Variants in CACNA1D observed in about 807,000 individuals in gnomAD.
The protein encoded by CACNA1D is calcium voltage-gated channel subunit alpha1 D, also known as voltage-dependent L-type calcium channel subunit alpha-1D.
CACNA1D carries 55 observed loss-of-function variants against 257.1 expected under a neutral mutation model. That is an observed-to-expected ratio of 0.21 (90% CI 0.17 to 0.27). The LOEUF is 0.27. Ranked by LOEUF, CACNA1D falls within the 10% of genes least tolerant of loss-of-function variation. CACNA1D has a pLI of 1.00. For missense variants in CACNA1D, 1,876 were observed against 2,784.0 expected, an observed-to-expected ratio of 0.67 and a Z score of 7.34; for synonymous variants, 980 against 1,014.9, an observed-to-expected ratio of 0.97 and a Z score of 0.65.
chr3:53,647,658 A>C (rs910338864), intron 3 of CACNA1D, among the ~76,000 whole-genome samples: 1 of 152,238 alleles, frequency 6.6e-6, no homozygotes, highest in East Asian at 1.9e-4. Context: ...TGTAAGGCGA[A>C]TAATTATCCC....
intron 26 of CACNA1D, 58 bp from the exon 27 acceptor site, chr3:53,749,210 G>T (rs1257309408): frequency 1.6e-6 from 2 of 1,248,760 alleles, no homozygotes; most frequent in African/African-American, 2.9e-5. Flanking sequence ...AAGGCAGCGG[G>T]CTGGGCCGTG....
rs907023704 is a variant in CACNA1D, at chr3:53,690,595, CG to C, written c.1221-12040del. Among the ~76,000 whole-genome samples the C allele has an allele frequency of 9.8e-5, 15 of 152,290 alleles. No individual in the cohort carries two copies. In the East Asian group the frequency reaches 2.7e-3, roughly 27 times the overall value. On this transcript the variant is annotated intron_variant, in intron 8 of 47. Transcript: ENST00000350061. ...TGCCTTTCAGTGGGCACTCCCCCTGCGGGGGGATCTTCTCTATCCCTCTCCT... is the reference window on the plus strand; with the variant it reads ...TGCCTTTCAGTGGGCACTCCCCCTGCGGGGGATCTTCTCTATCCCTCTCCT...
At chr3:53,608,420 G>C (rs1221443566) in intron 3 of CACNA1D, among the ~76,000 whole-genome samples, 1 of 152,154 alleles carries the variant, frequency 6.6e-6, no homozygotes, top group African/African-American at 2.4e-5. Context: ...CATGTCATTT[G>C]TGAACAAAGA....
intron 3 of CACNA1D, among the ~76,000 whole-genome samples, chr3:53,582,338 G>T (rs924050372): frequency 2.6e-5 from 4 of 152,296 alleles, no homozygotes; most frequent in African/African-American, 9.6e-5. Context: ...TCGAGAGAGA[G>T]AGGGGACATT....
At chr3:53,742,982 T>C (rs2095132341) in intron 21 of CACNA1D, 29 bp from the exon 22 acceptor site, 2 of 1,437,406 alleles carry the variant, frequency 1.4e-6, no homozygotes. Context: ...AGACAAAAAA[T>C]GGTAAATCAT....
At chr3:53,639,455 C>T (rs1325559829) in intron 3 of CACNA1D, among the ~76,000 whole-genome samples, 12 of 151,750 alleles carry the variant, frequency 7.9e-5, no homozygotes, top group African/African-American at 2.2e-4. Context: ...GGCACAATCT[C>T]GGCTCACTGC....
intron 3 of CACNA1D, among the ~76,000 whole-genome samples, chr3:53,568,562 C>T (rs1227058827): frequency 6.6e-6 from 1 of 152,204 alleles, no homozygotes; most frequent in East Asian, 1.9e-4. Context: ...ATACACACTC[C>T]TTGCTAAGGC....
intron 3 of CACNA1D, among the ~76,000 whole-genome samples, chr3:53,524,868 C>T (rs1326354549): frequency 6.6e-6 from 1 of 152,132 alleles, no homozygotes; most frequent in African/African-American, 2.4e-5. Flanking sequence ...ATTAATTTTG[C>T]TTATTTTTGG....
In CACNA1D at chr3:53,812,342, A is replaced by T. The variant is rs781612090; in HGVS notation, c.*936A>T. ...ATCCAGAAGTAGAAGAAATAGAGCC[A>T]ATTCTCATTTATTCAGCGAAAATCC... On this transcript the variant is annotated 3_prime_UTR_variant, in exon 48 of 48. Transcript: ENST00000350061. 1.6e-4 allele frequency: 24 copies of T among 152,370 alleles called. No individual in the cohort carries two copies. Among genetic ancestry groups the T allele is most frequent in the Non-Finnish European group, 3.2e-4 (22 of 68,040 alleles). 9.4% of individuals were successfully genotyped at this position (152,370 alleles called of 1,614,324 possible).
intron 39 of CACNA1D, 112 bp from the exon 40 acceptor site, chr3:53,786,710 A>AC (rs2109107716): frequency 4.4e-6 from 3 of 678,086 alleles, no homozygotes; most frequent in South Asian, 1.5e-5. Flanking sequence ...TCTGCGCCGG[A>AC]CCGCCCACCC....
At chr3:53,759,190 A>T (rs1324975685) in intron 29 of CACNA1D, among the ~76,000 whole-genome samples, 1 of 152,234 alleles carries the variant, frequency 6.6e-6, no homozygotes, top group Non-Finnish European at 1.5e-5. Context: ...ATTGCCAAAA[A>T]ATTCCAAGAC....
At chr3:53,760,446 T>C (rs2095294608) in intron 29 of CACNA1D, among the ~76,000 whole-genome samples, 1 of 152,212 alleles carries the variant, frequency 6.6e-6, no homozygotes, top group Non-Finnish European at 1.5e-5. Flanking sequence ...GTAAACAGGC[T>C]GGGCCCCATT....
At chr3:53,521,138 C>T (rs138660840) in intron 3 of CACNA1D, among the ~76,000 whole-genome samples, 1 of 152,090 alleles carries the variant, frequency 6.6e-6, no homozygotes, top group Non-Finnish European at 1.5e-5. Context: ...CTCCTGGGCT[C>T]AAGCAATCCT....
At chr3:53,780,909 G>A (rs1281314694) in intron 38 of CACNA1D, among the ~76,000 whole-genome samples, 1 of 152,204 alleles carries the variant, frequency 6.6e-6, no homozygotes, top group Non-Finnish European at 1.5e-5. Flanking sequence ...GTGCAGGCAG[G>A]TGACTTCTTA....
intron 3 of CACNA1D, among the ~76,000 whole-genome samples, chr3:53,569,242 A>G (rs1289350053): frequency 6.6e-6 from 1 of 152,086 alleles, no homozygotes; most frequent in East Asian, 1.9e-4. Context: ...CTAACATCTC[A>G]TGCATCTCCA....
intron 39 of CACNA1D, chr3:53,786,598 A>G: frequency 1.8e-6 from 1 of 563,024 alleles, no homozygotes; most frequent in Non-Finnish European, 3.2e-6. Context: ...CTAGAGTATC[A>G]GTTCATTTAA....
At chr3:53,508,127 C>T (rs572544035) in intron 3 of CACNA1D, among the ~76,000 whole-genome samples, 50 of 152,162 alleles carry the variant, frequency 3.3e-4, no homozygotes, top group Admixed American at 1.2e-3. Context: ...CATGTGGGGA[C>T]GTGCATTTCT....
At chr3:53,749,211 C>T in intron 26 of CACNA1D, 57 bp from the exon 27 acceptor site, 1 of 1,273,394 alleles carries the variant, frequency 7.9e-7, no homozygotes, top group Admixed American at 1.8e-5. Flanking sequence ...AGGCAGCGGG[C>T]TGGGCCGTGT....
At chr3:53,802,106 T>C in intron 42 of CACNA1D, 41 bp from the exon 43 acceptor site, 2 of 1,555,556 alleles carry the variant, frequency 1.3e-6, no homozygotes, top group Non-Finnish European at 1.8e-6. Flanking sequence ...AATTAACTTT[T>C]ATCTTCTCCC....
Sources: gnomAD v4.1 joint callset for allele counts (sites outside exome capture counted in the v4.1 genomes callset) on GRCh38, gnomAD v4.1.1 for gene constraint, MANE v1.5 for transcripts, NCBI Gene and HGNC (gene_info 2026-07-23, HGNC 2026-07-21) for gene names.